Variants in RBPJ observed in about 807,000 individuals in gnomAD.
The protein encoded by RBPJ is recombining binding protein suppressor of hairless.
Under a neutral mutation model 67.8 loss-of-function variants are expected in RBPJ, and 9 were observed. That is an observed-to-expected ratio of 0.13 (90% confidence interval 0.08 to 0.23). The LOEUF is 0.23. Ranked by LOEUF, RBPJ falls within the 10% of genes least tolerant of loss-of-function variation. The probability of loss-of-function intolerance (pLI) is 1.00; values close to 1 mark genes in which losing one functional copy is unlikely to be tolerated. For synonymous variants in RBPJ, 198 were observed against 203.3 expected (o/e 0.97, Z 0.22); for missense variants, 305 against 595.6 (o/e 0.51, Z 5.08).
intron 1 of RBPJ, among the ~76,000 whole-genome samples, chr4:26,195,532 A>G (rs1015946419): frequency 6.6e-6 from 1 of 152,176 alleles, no homozygotes; most frequent in African/African-American, 2.4e-5. Flanking sequence ...CCCCTTTCTC[A>G]GACAAAATAA....
chr4:26,242,623 A>C (rs1267568952), intron 1 of RBPJ, among the ~76,000 whole-genome samples: 1 of 150,022 alleles, frequency 6.7e-6, no homozygotes, highest in Non-Finnish European at 1.5e-5. Context: ...GTAATGGTGG[A>C]TAAAGTTGCT....
At chr4:26,140,068 C>T in the RBPJ span, among the ~76,000 whole-genome samples, 1 of 152,160 alleles carries the variant, frequency 6.6e-6, no homozygotes, top group Non-Finnish European at 1.5e-5. Context: ...CCTCTCTGGG[C>T]CTCCAGTTCC....
At chr4:26,202,927 AAGAG>A (rs201052212) in intron 1 of RBPJ, among the ~76,000 whole-genome samples, 2,434 of 148,422 alleles carry the variant, frequency 0.016, 17 homozygotes, top group Non-Finnish European at 0.024. Flanking sequence ...AAAAAAGAAA[AAGAG>A]AGAAAGAGAG....
intron 1 of RBPJ, among the ~76,000 whole-genome samples, chr4:26,280,752 T>G (rs539436756): frequency 6.6e-6 from 1 of 152,222 alleles, no homozygotes; most frequent in Admixed American, 6.5e-5. Flanking sequence ...TAAAAAAAAT[T>G]TAAAGCAAAT....
the RBPJ span, among the ~76,000 whole-genome samples, chr4:26,151,013 G>A: frequency 4.6e-5 from 7 of 152,144 alleles, 1 homozygote; most frequent in African/African-American, 1.2e-4. Flanking sequence ...TGAGAACAAC[G>A]CCAAAGATTT....
intron 1 of RBPJ, among the ~76,000 whole-genome samples, chr4:26,313,249 A>G (rs1008642807): frequency 1.3e-5 from 2 of 152,138 alleles, no homozygotes; most frequent in African/African-American, 4.8e-5. Context: ...AAATAATTCT[A>G]TGCCTGGTGC....
chr4:26,109,625 T>A, the RBPJ span, among the ~76,000 whole-genome samples: 1 of 25,316 alleles, frequency 4.0e-5, no homozygotes, highest in Non-Finnish European at 7.2e-5. Context: ...TCCACCTTCC[T>A]CTCTCTCTCT....
chr4:26,200,660 GA>G (rs1249250553), intron 1 of RBPJ, among the ~76,000 whole-genome samples: 7 of 135,730 alleles, frequency 5.2e-5, no homozygotes, highest in East Asian at 2.2e-4. Context: ...CTTTCTATCT[GA>G]AAAAAAAAAG....
In RBPJ at chr4:26,210,662, T is replaced by TTTTCTTTCTTTC. The variant is rs1049575904; in HGVS notation, c.-167+47061_-167+47072dup. Among the ~76,000 whole-genome samples the TTTTCTTTCTTTC allele has an allele frequency of 1.5e-3, 46 of 30,058 alleles. 8 individuals carry two copies. Among genetic ancestry groups the TTTTCTTTCTTTC allele is most frequent in the African/African-American group, 6.1e-3 (46 of 7,526 alleles). The allele number at this position is 30,058 out of a possible 152,430, so 19.7% of individuals were successfully genotyped here. On this transcript the variant is annotated intron_variant, in intron 1 of 4. Coordinates refer to the RBPJ transcript ENST00000512351. ...AACCCTTAAGCCAGCTTTCTTTCTT[T>TTTTCTTTCTTTC]TTTCTTTCTTTCTTTCTTTCTTTCC...
intron 1 of RBPJ, among the ~76,000 whole-genome samples, chr4:26,270,421 GAAA>G (rs1720867702): frequency 1.9e-5 from 1 of 53,434 alleles, no homozygotes; most frequent in African/African-American, 4.8e-5. Flanking sequence ...AAGAAAGAAA[GAAA>G]GAAAGAAAGA....
chr4:26,230,368 C>T (rs55925171), intron 1 of RBPJ, among the ~76,000 whole-genome samples: 10,341 of 152,214 alleles, frequency 0.068, 448 homozygotes, highest in African/African-American at 0.11. Context: ...ATAACGATAA[C>T]ATCTAACTCT....
chr4:26,309,378 AG>A (rs1359971069), intron 1 of RBPJ, among the ~76,000 whole-genome samples: 1 of 152,214 alleles, frequency 6.6e-6, no homozygotes, highest in Non-Finnish European at 1.5e-5. Context: ...CAGTATTATT[AG>A]TCCATCTAAC....
intron 1 of RBPJ, among the ~76,000 whole-genome samples, chr4:26,263,513 T>C (rs560250826): frequency 3.3e-4 from 50 of 152,330 alleles, no homozygotes; most frequent in Non-Finnish European, 4.6e-4. Flanking sequence ...CAGTTATTTG[T>C]GCAATTACAT....
chr4:26,316,657 T>TATATATATACACATATTG (rs1198160903), upstream of RBPJ, among the ~76,000 whole-genome samples: 110 of 121,278 alleles, frequency 9.1e-4, no homozygotes, highest in African/African-American at 3.2e-3. Context: ...CACATATTGA[T>TATATATATACACATATTG]ATATATATAT....
the RBPJ span, among the ~76,000 whole-genome samples, chr4:26,146,274 C>T: frequency 1.3e-5 from 2 of 152,100 alleles, no homozygotes; most frequent in Admixed American, 1.3e-4. Context: ...AACAAAAGTG[C>T]CAACATAATT....
intron 1 of RBPJ, among the ~76,000 whole-genome samples, chr4:26,227,677 C>T (rs7685350): frequency 0.15 from 23,107 of 152,140 alleles, 1,967 homozygotes; most frequent in Non-Finnish European, 0.19. Context: ...GGTACATGAC[C>T]ATATATCCAC....
the RBPJ span, among the ~76,000 whole-genome samples, chr4:26,110,688 T>C: frequency 2.0e-5 from 3 of 152,206 alleles, no homozygotes; most frequent in African/African-American, 7.2e-5. This position sits in a 1 kb window ranked among gnomAD's most constrained non-coding sequence, Gnocchi z 4.5. Flanking sequence ...AGAGGCACCA[T>C]GTTGAGGCTT....
chr4:26,400,950 A>G (rs776860400), intron 2 of RBPJ, among the ~76,000 whole-genome samples: 4 of 152,260 alleles, frequency 2.6e-5, no homozygotes, highest in Non-Finnish European at 4.4e-5. Context: ...TGTACTTGCA[A>G]AATTTGTGCT....
At chr4:26,170,147 A>C (rs1716512796) in intron 1 of RBPJ, among the ~76,000 whole-genome samples, 2 of 152,130 alleles carry the variant, frequency 1.3e-5, no homozygotes, top group Non-Finnish European at 2.9e-5. Context: ...GGAAATGCAG[A>C]AATCACCCGT....
Sources: gnomAD v4.1 joint callset for allele counts (sites outside exome capture counted in the v4.1 genomes callset) on GRCh38, gnomAD v4.1.1 for gene constraint, Gnocchi (gnomAD v3.1) non-coding constraint, MANE v1.5 for transcripts, NCBI Gene and HGNC (gene_info 2026-07-23, HGNC 2026-07-21) for gene names.